The following RYR2 variants were observed in gnomAD, a reference collection of about 807,000 sequenced individuals.
RYR2 encodes cardiac muscle ryanodine receptor-calcium release channel.
A neutral mutation model predicts 601.1 loss-of-function variants in RYR2; 227 were observed. That is an observed-to-expected ratio of 0.38 (90% CI 0.34 to 0.42). RYR2 has a LOEUF of 0.42. Among genes scored for constraint, RYR2 ranks in the 10% least tolerant of loss-of-function variants. The pLI, the probability that RYR2 is intolerant of heterozygous loss-of-function variation, is 1.00. For missense variants in RYR2, 4,646 were observed against 6,156.5 expected (o/e 0.75, Z 8.21); for synonymous variants, 2,223 against 2,175.1 (o/e 1.02, Z -0.61).
intron 1 of RYR2, among the ~76,000 whole-genome samples, chr1:237,061,245 C>CTATCTATT (rs1662806681): frequency 1.5e-5 from 2 of 133,928 alleles, no homozygotes; most frequent in Non-Finnish European, 3.3e-5. Context: ...ATCTATCTAT[C>CTATCTATT]TATCTATCAT....
chr1:237,202,226 A>G (rs1681273386), intron 1 of RYR2, among the ~76,000 whole-genome samples: 1 of 152,182 alleles, frequency 6.6e-6, no homozygotes, highest in Non-Finnish European at 1.5e-5. Flanking sequence ...GCCTATGAAT[A>G]TATTTTTGTG....
chr1:237,494,356 A>C (rs925750339), intron 19 of RYR2, among the ~76,000 whole-genome samples: 1 of 152,164 alleles, frequency 6.6e-6, no homozygotes, highest in Non-Finnish European at 1.5e-5. Context: ...CCAATGTTCA[A>C]GGGCAGAAAG....
intron 84 of RYR2, among the ~76,000 whole-genome samples, chr1:237,769,301 C>T (rs899535174): frequency 2.6e-5 from 4 of 152,162 alleles, no homozygotes. Context: ...AGTTTAGTGC[C>T]TTTATTTGCC....
chr1:237,554,589 A>G (rs1670705238), intron 27 of RYR2, among the ~76,000 whole-genome samples: 1 of 151,964 alleles, frequency 6.6e-6, no homozygotes, highest in South Asian at 2.1e-4. Flanking sequence ...GATAGAATTT[A>G]TCATTGAAAC....
chr1:237,173,709 C>A (rs142875505), intron 1 of RYR2, among the ~76,000 whole-genome samples: 2,064 of 152,232 alleles, frequency 0.014, 22 homozygotes, highest in Non-Finnish European at 0.023. Flanking sequence ...GCTTGGTAGG[C>A]ATTATAAAAG....
intron 37 of RYR2, among the ~76,000 whole-genome samples, 172 bp downstream of exon 37, chr1:237,615,015 C>A (rs1412697096): frequency 6.6e-6 from 1 of 152,114 alleles, no homozygotes; most frequent in Non-Finnish European, 1.5e-5. Context: ...ATTCATTAGC[C>A]ATCTCCTCTT....
At chr1:237,782,961 C>T (rs1695244310) in intron 89 of RYR2, among the ~76,000 whole-genome samples, 2 of 152,128 alleles carry the variant, frequency 1.3e-5, no homozygotes, top group South Asian at 2.1e-4. Context: ...CTCTGACCAG[C>T]GACCTTTCTT....
At chr1:237,660,989 G>T in intron 56 of RYR2, 42 bp downstream of exon 56, 1 of 1,273,694 alleles carries the variant, frequency 7.9e-7, no homozygotes, top group Non-Finnish European at 1.0e-6. Flanking sequence ...TTTATGTTAT[G>T]GATTAAATAA....
chr1:237,425,484 A>G (rs1435619274), intron 12 of RYR2, among the ~76,000 whole-genome samples: 1 of 152,108 alleles, frequency 6.6e-6, no homozygotes, highest in African/African-American at 2.4e-5. Flanking sequence ...AAATACAAAA[A>G]TTAGTCGGGC....
chr1:237,106,678 C>T lies in RYR2; in HGVS notation c.48+64109C>T, dbSNP rs143024516. On this transcript the variant is annotated intron_variant, in intron 1 of 104. Transcript: ENST00000366574. The surrounding 1 kb of genome is among the most constrained non-coding windows in gnomAD (Gnocchi z 4.4). The stretch of plus-strand genomic sequence containing the variant: ...GTGTATACAGTGTCCCTTTTTCAGA[C>T]ATGGCACCTTCGTCCATTTGGGCTG... Among the ~76,000 whole-genome samples, 293 of 152,266 alleles carry T rather than the reference C, an allele frequency of 1.9e-3. 2 individuals are homozygous for T. The highest frequency in any genetic ancestry group is 3.1e-3 in the Non-Finnish European group (213 of 68,020).
At chr1:237,317,637 ACTT>A (rs992867588) in intron 2 of RYR2, among the ~76,000 whole-genome samples, 1 of 151,842 alleles carries the variant, frequency 6.6e-6, no homozygotes, top group Admixed American at 6.6e-5. Context: ...ATACGGTTTA[ACTT>A]CTTTTCCAAT....
chr1:237,368,448 G>T lies in RYR2; in HGVS notation c.310-1086G>T, dbSNP rs1700373209. On this transcript the variant is annotated intron_variant, in intron 5 of 104. Coordinates refer to ENST00000366574, the MANE Select transcript of RYR2 (RefSeq NM_001035.3). ...GGCATATTCAGGGAAGGGAAAGTGG[G>T]TATGTTTGGAGCACAGGATGATTGA... Among the ~76,000 whole-genome samples, 3 of 152,148 alleles carry T rather than the reference G, an allele frequency of 2.0e-5. No individual in the cohort carries two copies. The South Asian group carries it at 6.2e-4, about 32-fold the overall frequency.
At chr1:237,225,178 C>A (rs1382836956) in intron 1 of RYR2, among the ~76,000 whole-genome samples, 1 of 152,042 alleles carries the variant, frequency 6.6e-6, no homozygotes, top group African/African-American at 2.4e-5. Context: ...TTCTGAAGAA[C>A]TTGGGAAATA....
intron 79 of RYR2, among the ~76,000 whole-genome samples, chr1:237,741,991 GT>G (rs1442482132): frequency 6.6e-6 from 1 of 152,200 alleles, no homozygotes; most frequent in Admixed American, 6.5e-5. Flanking sequence ...AAGGTTTGCA[GT>G]TTGGTTTGAA....
chr1:237,828,454 C>T lies in RYR2; in HGVS notation c.14655+9C>T. 2 of 1,546,946 alleles carry T rather than the reference C, an allele frequency of 1.3e-6. No individual in the cohort carries two copies. The highest frequency in any genetic ancestry group is 1.8e-6 in the Non-Finnish European group (2 of 1,139,760). ...TCAAAGAAGACATGGAGGTAAGCTT[C>T]TCCATTCATGACTCAGCTTCTTTGT... On this transcript the variant is annotated intron_variant, in intron 102 of 104. Transcript: ENST00000366574.
At chr1:237,766,382 C>T (rs992675691) in intron 84 of RYR2, among the ~76,000 whole-genome samples, 2 of 152,190 alleles carry the variant, frequency 1.3e-5, no homozygotes, top group African/African-American at 4.8e-5. Flanking sequence ...TAGAAATTGA[C>T]TCCTCCAAAG....
At chr1:237,665,133 G>A (rs1426322758) in intron 56 of RYR2, among the ~76,000 whole-genome samples, 1 of 152,118 alleles carries the variant, frequency 6.6e-6, no homozygotes, top group Non-Finnish European at 1.5e-5. Context: ...GGGCATGGTG[G>A]CTCACACCTG....
intron 1 of RYR2, among the ~76,000 whole-genome samples, chr1:237,122,689 C>G (rs1047862680): frequency 7.6e-5 from 10 of 131,760 alleles, no homozygotes; most frequent in African/African-American, 2.9e-4. Flanking sequence ...CAAAAACAAA[C>G]AAACAAACAA....
At chr1:237,540,183 A>T (rs1386903997) in intron 25 of RYR2, among the ~76,000 whole-genome samples, 1 of 152,120 alleles carries the variant, frequency 6.6e-6, no homozygotes, top group East Asian at 1.9e-4. Flanking sequence ...AAATTATTAT[A>T]GCAATAAAGA....
Sources: allele counts gnomAD v4.1 joint callset (sites outside exome capture counted in the v4.1 genomes callset), GRCh38; gene constraint gnomAD v4.1.1; non-coding constraint Gnocchi (gnomAD v3.1); transcripts MANE v1.5; gene names NCBI Gene and HGNC (gene_info 2026-07-23, HGNC 2026-07-21).